The following KIAA1671 variants were observed in gnomAD, a reference collection of about 807,000 sequenced individuals.
The protein encoded by KIAA1671 is KIAA1671.
KIAA1671 carries 52 observed loss-of-function variants against 131.2 expected under a neutral mutation model. The observed-to-expected ratio is 0.40, with a 90% CI of 0.32 to 0.50. The LOEUF (loss-of-function observed/expected upper bound fraction) is 0.50. KIAA1671 is among the 20% of genes least tolerant of loss of function. The pLI is 0.73. For missense variants in KIAA1671, 2,360 were observed against 2,364.2 expected, an observed-to-expected ratio of 1.00 and a Z score of 0.04; for synonymous variants, 1,003 against 961.6, an observed-to-expected ratio of 1.04 and a Z score of -0.80.
intron 1 of KIAA1671, among the ~76,000 whole-genome samples, chr22:24,966,340 C>T (rs887343023): frequency 1.3e-5 from 2 of 152,182 alleles, no homozygotes; most frequent in Non-Finnish European, 2.9e-5. Context: ...GGGAGCCCAG[C>T]GGGTGCATTG....
At chr22:25,049,206 C>A in intron 5 of KIAA1671, 24 bp from the exon 6 acceptor site, 1 of 1,547,382 alleles carries the variant, frequency 6.5e-7, no homozygotes, top group East Asian at 2.5e-5. Flanking sequence ...CAGTAAAGTC[C>A]TTTTCTTGTG....
rs1417035148 is a variant in KIAA1671, at chr22:25,055,784, A to G, written c.4530+6420A>G. 5 of 113,860 alleles carry G rather than the reference A, an allele frequency of 4.4e-5. 2 individuals are homozygous for G. The South Asian group carries it at 1.2e-3, about 28-fold the overall frequency. The allele number at this position is 113,860 out of a possible 1,614,324, so 7.1% of individuals were successfully genotyped here. On this transcript the variant is annotated intron_variant, in intron 6 of 12. Transcript: ENST00000358431. ...TAGGAATACATACACACAAACATAT[A>G]TATAGATAGATATAGATAGATATAG...
chr22:25,116,317 C>A (rs911978881), intron 6 of KIAA1671, among the ~76,000 whole-genome samples: 1 of 152,050 alleles, frequency 6.6e-6, no homozygotes, highest in Middle Eastern at 3.2e-3. Context: ...AAGTGATCCT[C>A]CCACCTCAGC....
intron 9 of KIAA1671, among the ~76,000 whole-genome samples, chr22:25,180,389 A>G (rs146579436): frequency 0.016 from 2,440 of 152,246 alleles, 29 homozygotes; most frequent in Non-Finnish European, 0.025. Context: ...AAATACAAAA[A>G]TAGCTGGGCA....
chr22:25,159,607 C>T (rs1427270489), intron 6 of KIAA1671, among the ~76,000 whole-genome samples: 1 of 152,112 alleles, frequency 6.6e-6, no homozygotes, highest in African/African-American at 2.4e-5. Context: ...TTGGCACCGA[C>T]CACATGCCAG....
At chr22:24,965,041 G>A (rs887316921) in intron 1 of KIAA1671, among the ~76,000 whole-genome samples, 3 of 151,512 alleles carry the variant, frequency 2.0e-5, no homozygotes, top group African/African-American at 4.9e-5. Context: ...TCTTCCATGA[G>A]GTCATTGTAA....
intron 6 of KIAA1671, among the ~76,000 whole-genome samples, chr22:25,153,422 C>T (rs1933115651): frequency 6.6e-6 from 1 of 152,216 alleles, no homozygotes; most frequent in Admixed American, 6.5e-5. Context: ...CACAGGACGG[C>T]CCCCACCACA....
At chr22:25,043,243 C>T (rs1315631364) in intron 5 of KIAA1671, among the ~76,000 whole-genome samples, 1 of 152,126 alleles carries the variant, frequency 6.6e-6, no homozygotes, top group East Asian at 1.9e-4. Flanking sequence ...CACACAAATT[C>T]AAATCTACCC....
intron 6 of KIAA1671, among the ~76,000 whole-genome samples, chr22:25,151,695 C>G (rs944412065): frequency 6.6e-6 from 1 of 152,046 alleles, no homozygotes; most frequent in African/African-American, 2.4e-5. Context: ...CCTCCCCGGC[C>G]TCCCAAAGTG....
At chr22:25,121,144 AC>A (rs1455506875) in intron 6 of KIAA1671, among the ~76,000 whole-genome samples, 1 of 152,156 alleles carries the variant, frequency 6.6e-6, no homozygotes, top group Non-Finnish European at 1.5e-5. Flanking sequence ...AGGGAGTGTT[AC>A]GTTTTCGGAT....
In KIAA1671 at chr22:25,144,110, G is replaced by T. The variant is rs540375572; in HGVS notation, c.4531-26710G>T. ...GTAAAAGTGTTTGATTGGTATGTAA[G>T]AAACACATGTGTTCTCACAGTCTCT... On this transcript the variant is annotated intron_variant, in intron 6 of 12. Transcript: ENST00000358431. 4.3e-4 allele frequency among the ~76,000 whole-genome samples: 65 copies of T among 152,326 alleles called. No homozygotes were observed. In the South Asian group the frequency reaches 0.013, roughly 31 times the overall value.
intron 6 of KIAA1671, among the ~76,000 whole-genome samples, chr22:25,113,765 G>T (rs570765261): frequency 1.3e-5 from 2 of 152,350 alleles, no homozygotes; most frequent in South Asian, 4.1e-4. Flanking sequence ...AATTAGTGGG[G>T]CTTGGATTTA....
intron 1 of KIAA1671, among the ~76,000 whole-genome samples, chr22:24,986,722 T>TCCATCCACCCACCCAC (rs1923569562): frequency 7.4e-6 from 1 of 134,340 alleles, no homozygotes; most frequent in Non-Finnish European, 1.6e-5. Flanking sequence ...CACCCACCCA[T>TCCATCCACCCACCCAC]CCATCCATCC....
At chr22:25,140,130 G>A (rs111240219) in intron 6 of KIAA1671, among the ~76,000 whole-genome samples, 2,650 of 152,348 alleles carry the variant, frequency 0.017, 33 homozygotes, top group Middle Eastern at 0.058. Context: ...TGGCTGGGCT[G>A]CATTCTCAGC....
intron 6 of KIAA1671, among the ~76,000 whole-genome samples, chr22:25,093,770 C>CTCTG: frequency 1.7e-5 from 1 of 57,638 alleles, no homozygotes; most frequent in East Asian, 5.1e-4. Flanking sequence ...CTCTCTCTGT[C>CTCTG]TCTCTCTCTC....
At chr22:25,073,362 C>T (rs369710733) in intron 6 of KIAA1671, among the ~76,000 whole-genome samples, 1 of 152,102 alleles carries the variant, frequency 6.6e-6, no homozygotes, top group Non-Finnish European at 1.5e-5. Context: ...GCCACCATAC[C>T]CAGCCTGCAA....
At chr22:25,063,457 G>A (rs961844125) in intron 6 of KIAA1671, 8 of 152,164 alleles carry the variant, frequency 5.3e-5, no homozygotes, top group Non-Finnish European at 8.8e-5. Context: ...AGTAACTCAG[G>A]AATGGAAAAC....
At chr22:25,005,345 CTAA>C (rs1924692133) in intron 1 of KIAA1671, among the ~76,000 whole-genome samples, 1 of 102,524 alleles carries the variant, frequency 9.8e-6, no homozygotes, top group African/African-American at 4.8e-5. Context: ...GAGACTCCAT[CTAA>C]AAAAAAAAAA....
intron 6 of KIAA1671, among the ~76,000 whole-genome samples, chr22:25,105,825 G>T (rs983608746): frequency 1.3e-5 from 2 of 151,960 alleles, no homozygotes; most frequent in African/African-American, 2.4e-5. Context: ...AAGTTGGGGG[G>T]GGGGGGTGCC....
Sources: allele counts gnomAD v4.1 joint callset (sites outside exome capture counted in the v4.1 genomes callset), GRCh38; gene constraint gnomAD v4.1.1; transcripts MANE v1.5; gene names NCBI Gene and HGNC (gene_info 2026-07-23, HGNC 2026-07-21).